DEPDC5: variants seen among roughly 807,000 people sequenced by gnomAD.
The protein encoded by DEPDC5 is DEP domain containing 5, GATOR1 subcomplex subunit.
A neutral mutation model predicts 217.3 loss-of-function variants in DEPDC5; 73 were observed. That is an observed-to-expected ratio of 0.34 (90% CI 0.28 to 0.41). The LOEUF is 0.41. Among genes scored for constraint, DEPDC5 ranks in the 10% least tolerant of loss-of-function variants. The probability of loss-of-function intolerance (pLI) is 1.00; values close to 1 mark genes in which losing one functional copy is unlikely to be tolerated. For synonymous variants in DEPDC5, 733 were observed against 756.7 expected (o/e 0.97, Z 0.51); for missense variants, 1,675 against 2,070.1 (o/e 0.81, Z 3.70).
At chr22:31,890,614 C>T (rs2093420427) in intron 38 of DEPDC5, among the ~76,000 whole-genome samples, 1 of 151,916 alleles carries the variant, frequency 6.6e-6, no homozygotes, top group African/African-American at 2.4e-5. Flanking sequence ...GAGGCTGAGA[C>T]ACAAGAATCT....
intron 14 of DEPDC5, 93 bp downstream of exon 14, chr22:31,798,749 T>TTTTGAGC: frequency 8.1e-7 from 1 of 1,240,886 alleles, no homozygotes. Flanking sequence ...AAGAGAAGGT[T>TTTTGAGC]CTTGGATCTT....
chr22:31,906,025 A>G lies in DEPDC5; in HGVS notation c.4478A>G (p.Asn1493Ser), dbSNP rs1342787932. 6.2e-7 allele frequency: 1 copy of G among 1,614,052 alleles called. No homozygotes were observed. Among genetic ancestry groups the G allele is most frequent in the Admixed American group, 1.7e-5 (1 of 60,012 alleles). ...VQDKYSASAF[N>S]FPAENKPQYI... ...GATAAATATTCTGCCTCTGCTTTTAACTTCCCTGCTGAGAACAAGCCTCAG... is the reference window on the plus strand; with the variant it reads ...GATAAATATTCTGCCTCTGCTTTTAGCTTCCCTGCTGAGAACAAGCCTCAG... Residue 1493 changes from asparagine to serine, a missense_variant, in exon 42 of 43, where the codon AAC (asparagine) becomes AGC (serine). By Grantham distance (46) the Asn-to-Ser change is conservative. Around this residue, in one of 11 missense-constraint regions of DEPDC5, gnomAD observed 182 missense variants for 290.1 expected, o/e 0.63. Transcript: ENST00000651528. This position sits in a 1 kb window ranked among gnomAD's most constrained non-coding sequence, Gnocchi z 5.1.
At chr22:31,868,031 C>G (rs1286102179) in intron 33 of DEPDC5, among the ~76,000 whole-genome samples, 1 of 152,120 alleles carries the variant, frequency 6.6e-6, no homozygotes, top group African/African-American at 2.4e-5. Flanking sequence ...CATGGTAAAC[C>G]TTACTGGTTA....
At chr22:31,776,473 TAGTA>T (rs968620348) in intron 7 of DEPDC5, among the ~76,000 whole-genome samples, 2 of 151,930 alleles carry the variant, frequency 1.3e-5, no homozygotes, top group African/African-American at 2.4e-5. Context: ...GCCATTCACG[TAGTA>T]AGTGTCACTC....
chr22:31,797,708 T>G lies in DEPDC5; in HGVS notation c.871+5T>G, dbSNP rs2086405212. On this transcript the variant is annotated splice_donor_5th_base_variant and intron_variant, in intron 13 of 42. Transcript: ENST00000651528. The stretch of plus-strand genomic sequence containing the variant: ...TGGTGCGACTGGAACAGGCAGGTAC[T>G]GCATTCATGTAATAGATGGTGCGGC... The G allele has an allele frequency of 1.2e-6, 2 of 1,609,108 alleles. No homozygotes were observed. Among genetic ancestry groups the G allele is most frequent in the East Asian group, 2.2e-5 (1 of 44,872 alleles).
At chr22:31,802,023 CATT>C (rs1053191336) in intron 14 of DEPDC5, among the ~76,000 whole-genome samples, 3 of 146,152 alleles carry the variant, frequency 2.1e-5, no homozygotes, top group Non-Finnish European at 3.0e-5. Flanking sequence ...CTAATTATAT[CATT>C]AATATATATA....
intron 3 of DEPDC5, among the ~76,000 whole-genome samples, chr22:31,759,724 C>T (rs1258602467): frequency 6.7e-6 from 1 of 148,690 alleles, no homozygotes; most frequent in Non-Finnish European, 1.5e-5. Flanking sequence ...GCTCTGTCAC[C>T]CAGGCTGGAG....
rs1014166297 is a variant in DEPDC5 at position 31,755,763 on chromosome 22, A to AT, written c.58+793dup. ...GAAGAATAAAAGGGCACTTAGTATA[A>AT]TTTTTTTTTCTTTTGTAAGGGAATA... On this transcript the variant is annotated intron_variant, in intron 2 of 42. Coordinates refer to ENST00000651528, the MANE Select transcript of DEPDC5 (RefSeq NM_001242896.3). 4.6e-5 allele frequency among the ~76,000 whole-genome samples: 7 copies of AT among 150,748 alleles called. No individual in the cohort carries two copies. In the East Asian group the frequency reaches 5.8e-4, roughly 13 times the overall value.
intron 33 of DEPDC5, among the ~76,000 whole-genome samples, chr22:31,867,454 A>T (rs1207530462): frequency 6.6e-6 from 1 of 152,250 alleles, no homozygotes. Flanking sequence ...TGGGAGAAGC[A>T]TACCTTTTCC....
intron 38 of DEPDC5, among the ~76,000 whole-genome samples, chr22:31,885,840 C>G (rs1026849951): frequency 6.6e-6 from 1 of 151,696 alleles, no homozygotes. Context: ...TTGAGACCAG[C>G]CTGACCAACA....
intron 12 of DEPDC5, among the ~76,000 whole-genome samples, chr22:31,794,949 C>G (rs969831403): frequency 1.3e-5 from 2 of 152,096 alleles, no homozygotes; most frequent in African/African-American, 4.8e-5. Context: ...GAATTCAAAG[C>G]ACACTCAATT....
chr22:31,898,044 G>A (rs115823030), intron 40 of DEPDC5, among the ~76,000 whole-genome samples: 3,592 of 152,220 alleles, frequency 0.024, 133 homozygotes, highest in African/African-American at 0.076. Flanking sequence ...ACTTGCATAT[G>A]CTATTTCGTG....
At chr22:31,760,036 C>T (rs903473526) in intron 3 of DEPDC5, among the ~76,000 whole-genome samples, 1 of 150,236 alleles carries the variant, frequency 6.7e-6, no homozygotes, top group Non-Finnish European at 1.5e-5. Flanking sequence ...AGCATTTGTC[C>T]ATTTCCTTTA....
chr22:31,879,053 T>A (rs1170421458), intron 37 of DEPDC5, among the ~76,000 whole-genome samples: 2,182 of 121,722 alleles, frequency 0.018, 99 homozygotes, highest in African/African-American at 0.064. Flanking sequence ...AATATATATA[T>A]ATATATATAT....
At chr22:31,849,953 G>A (rs1044900215) in intron 31 of DEPDC5, among the ~76,000 whole-genome samples, 4 of 151,758 alleles carry the variant, frequency 2.6e-5, no homozygotes, top group African/African-American at 9.7e-5. Flanking sequence ...ATTTGGGTAG[G>A]GACACAGCCA....
chr22:31,879,623 G>T lies in DEPDC5; in HGVS notation c.3904G>T (p.Glu1302Ter), dbSNP rs1338017418. The T allele has an allele frequency of 6.2e-7, 1 of 1,614,042 alleles. No homozygotes were observed. Residue 1302 changes from glutamate to a stop codon, truncating the protein, a stop_gained, in exon 38 of 43, where the codon GAG becomes TAG. Coordinates refer to ENST00000651528, the MANE Select transcript of DEPDC5 (RefSeq NM_001242896.3). LOFTEE classifies it high-confidence loss of function. Reference protein sequence around the residue: ...KWFEVAFVAEELVHSEIPAFL... With the variant: ...KWFEVAFVAE ...GTTTGAGGTGGCCTTTGTGGCAGAA[G>T]AGCTCGTGCACTCTGAGATTCCTGC... is the stretch of plus-strand genomic sequence containing the variant.
chr22:31,859,553 A>ACCCG (rs1237242833), intron 32 of DEPDC5, among the ~76,000 whole-genome samples: 14 of 151,958 alleles, frequency 9.2e-5, no homozygotes, highest in Non-Finnish European at 1.6e-4. Flanking sequence ...CACCATGGCC[A>ACCCG]GCTAATTTTT....
chr22:31,804,770 CAG>C (rs1347072192), intron 16 of DEPDC5, 70 bp from the exon 17 acceptor site: 2 of 1,492,130 alleles, frequency 1.3e-6, no homozygotes, highest in Non-Finnish European at 1.8e-6. Flanking sequence ...ACCTGAAAAA[CAG>C]AAAAGTTAGA....
intron 37 of DEPDC5, among the ~76,000 whole-genome samples, chr22:31,877,419 A>T (rs1297373766): frequency 8.3e-6 from 1 of 120,490 alleles, no homozygotes; most frequent in Non-Finnish European, 1.7e-5. Context: ...CCTGGGCTAC[A>T]GAGTGAGACT....
Sources: allele counts gnomAD v4.1 joint callset (sites outside exome capture counted in the v4.1 genomes callset), GRCh38; gene constraint gnomAD v4.1.1; regional missense constraint gnomAD v4.1.1; non-coding constraint Gnocchi (gnomAD v3.1); transcripts MANE v1.5; gene names NCBI Gene and HGNC (gene_info 2026-07-23, HGNC 2026-07-21).